NKAIN2: variants seen among roughly 807,000 people sequenced by gnomAD.
NKAIN2 encodes sodium/potassium transporting ATPase interacting 2.
NKAIN2 carries 14 observed loss-of-function variants against 32.6 expected under a neutral mutation model. The ratio of observed to expected loss-of-function variants is 0.43; its 90% CI spans 0.28 to 0.67. The LOEUF is 0.67. Ranked by LOEUF, NKAIN2 falls within the 30% of genes least tolerant of loss-of-function variation. The pLI is 0.17. For missense variants in NKAIN2, 198 were observed against 258.3 expected, an observed-to-expected ratio of 0.77 and a Z score of 1.60; for synonymous variants, 80 against 87.2, an observed-to-expected ratio of 0.92 and a Z score of 0.46.
intron 3 of NKAIN2, among the ~76,000 whole-genome samples, chr6:124,656,388 C>T (rs1361459456): frequency 7.3e-5 from 11 of 150,888 alleles, no homozygotes; most frequent in African/African-American, 2.4e-4. Context: ...CTTTGTGTTT[C>T]ACTTCGATCT....
intron 3 of NKAIN2, among the ~76,000 whole-genome samples, chr6:124,409,585 A>G: frequency 6.6e-6 from 1 of 152,162 alleles, no homozygotes; most frequent in Admixed American, 6.5e-5. Context: ...GTGTTGCTGG[A>G]TGCGGTTTGC....
At chr6:124,227,254 A>ACATGT (rs1166169212) in intron 1 of NKAIN2, among the ~76,000 whole-genome samples, 2 of 152,092 alleles carry the variant, frequency 1.3e-5, no homozygotes. Flanking sequence ...GGATTGACAG[A>ACATGT]CATGTGGATT....
intron 1 of NKAIN2, among the ~76,000 whole-genome samples, chr6:124,076,369 A>G (rs1182201725): frequency 6.6e-6 from 1 of 152,134 alleles, no homozygotes; most frequent in East Asian, 1.9e-4. Context: ...GAGGGAGTTG[A>G]GGTGATTGAC....
intron 1 of NKAIN2, among the ~76,000 whole-genome samples, chr6:124,109,723 A>G (rs1333206064): frequency 6.6e-6 from 1 of 151,908 alleles, no homozygotes; most frequent in African/African-American, 2.4e-5. Context: ...GTTAAGTCTG[A>G]TATTAGTTGT....
At chr6:124,274,133 A>T (rs1052830635) in intron 1 of NKAIN2, among the ~76,000 whole-genome samples, 1 of 152,202 alleles carries the variant, frequency 6.6e-6, no homozygotes, top group African/African-American at 2.4e-5. Flanking sequence ...ACAACTCCAG[A>T]TAAATGTCAT....
At chr6:124,743,626 G>A (rs556342930) in intron 4 of NKAIN2, among the ~76,000 whole-genome samples, 12 of 151,952 alleles carry the variant, frequency 7.9e-5, no homozygotes, top group African/African-American at 2.6e-4. Context: ...TCTGAGATAT[G>A]TGCAAAGCTT....
intron 3 of NKAIN2, among the ~76,000 whole-genome samples, chr6:124,656,216 A>G (rs781483): frequency 0.51 from 77,513 of 151,998 alleles, 20,320 homozygotes; most frequent in Non-Finnish European, 0.59. Flanking sequence ...TAAATAGCAG[A>G]TCTCCTACTT....
At chr6:124,075,747 C>G (rs1170729480) in intron 1 of NKAIN2, among the ~76,000 whole-genome samples, 2 of 152,128 alleles carry the variant, frequency 1.3e-5, no homozygotes, top group African/African-American at 2.4e-5. Context: ...AGGCACCCAC[C>G]ACCATGTCCG....
At position 124,283,284 on chromosome 6, in the gene NKAIN2, GT is replaced by G. The variant is rs1292927503; in HGVS notation, c.192+145del. 6 of 584,956 alleles carry G rather than the reference GT, an allele frequency of 1.0e-5. No homozygotes were observed. The East Asian group carries it at 1.7e-4, about 17-fold the overall frequency. The allele number at this position is 584,956 out of a possible 1,614,324, so 36.2% of individuals were successfully genotyped here. A position where few individuals can be genotyped will look rare whatever the true frequency, so the allele number is the denominator to read the frequency against. ...TAAGTACCATGTGTTTATTTTCATA[GT>G]TTCAGATTCCATCAACAGTAATTGA... On this transcript the variant is annotated intron_variant, in intron 2 of 6. Coordinates refer to ENST00000368417, the MANE Select transcript of NKAIN2 (RefSeq NM_001040214.3).
intron 4 of NKAIN2, among the ~76,000 whole-genome samples, chr6:124,779,871 T>C (rs1440129910): frequency 2.6e-5 from 4 of 152,140 alleles, no homozygotes; most frequent in Admixed American, 1.3e-4. Flanking sequence ...CAATTCAAAA[T>C]GTTGACCTAA....
chr6:124,323,777 A>ATTTTCTTT (rs1237658485), intron 2 of NKAIN2, among the ~76,000 whole-genome samples: 14 of 115,492 alleles, frequency 1.2e-4, no homozygotes, highest in East Asian at 3.6e-4. Flanking sequence ...AATTCTTTTA[A>ATTTTCTTT]TTTTTTCTTT....
intron 1 of NKAIN2, among the ~76,000 whole-genome samples, chr6:123,970,064 A>C (rs1415004101): frequency 6.6e-6 from 1 of 151,768 alleles, no homozygotes; most frequent in Non-Finnish European, 1.5e-5. Flanking sequence ...GTACAATATT[A>C]TACTACTCAT....
At chr6:123,993,558 A>G (rs1226541804) in intron 1 of NKAIN2, among the ~76,000 whole-genome samples, 1 of 152,208 alleles carries the variant, frequency 6.6e-6, no homozygotes, top group Non-Finnish European at 1.5e-5. Context: ...AAAACATTTA[A>G]AGGTTGACTC....
intron 1 of NKAIN2, among the ~76,000 whole-genome samples, chr6:123,911,814 C>T (rs579230): frequency 0.34 from 17,719 of 52,456 alleles, 2,809 homozygotes; most frequent in East Asian, 0.57. Context: ...TATATATATA[C>T]ACACACACAC....
Position 124,057,489 on chromosome 6 carries a change from G to A in NKAIN2, c.55-225516G>A, listed in dbSNP as rs1245739284. 3.3e-5 allele frequency among the ~76,000 whole-genome samples: 5 copies of A among 151,804 alleles called. 1 individual carries two copies. The highest frequency in any genetic ancestry group is 2.1e-4 in the South Asian group (1 of 4,804). On this transcript the variant is annotated intron_variant, in intron 1 of 6. Transcript: ENST00000368417. ...CTCCATTAAAAAGTATATATTTTTC[G>A]AAATAGAAGACACTAAAAAAATGAC...
intron 1 of NKAIN2, among the ~76,000 whole-genome samples, chr6:123,939,457 G>A (rs1030326377): frequency 6.6e-6 from 1 of 151,956 alleles, no homozygotes; most frequent in Non-Finnish European, 1.5e-5. Context: ...ACTTATGGTA[G>A]TTTCTGCTTA....
intron 2 of NKAIN2, among the ~76,000 whole-genome samples, chr6:124,284,569 T>C (rs1795455988): frequency 1.3e-5 from 2 of 152,102 alleles, no homozygotes; most frequent in Non-Finnish European, 2.9e-5. Context: ...ATGGTTGCTC[T>C]GAATATCATT....
intron 2 of NKAIN2, among the ~76,000 whole-genome samples, chr6:124,293,268 T>A (rs1456794752): frequency 6.6e-6 from 1 of 152,120 alleles, no homozygotes; most frequent in South Asian, 2.1e-4. Flanking sequence ...CTGATATTAA[T>A]TTAACTTTCC....
intron 1 of NKAIN2, among the ~76,000 whole-genome samples, chr6:124,177,546 T>C (rs183125166): frequency 3.3e-5 from 5 of 152,258 alleles, no homozygotes; most frequent in Middle Eastern, 3.4e-3. Context: ...AAATAGGAAA[T>C]ACAAAAAAAT....
Sources: allele counts gnomAD v4.1 joint callset (sites outside exome capture counted in the v4.1 genomes callset), GRCh38; gene constraint gnomAD v4.1.1; transcripts MANE v1.5; gene names NCBI Gene and HGNC (gene_info 2026-07-23, HGNC 2026-07-21).